SLC2A7: variants seen among roughly 807,000 people sequenced by gnomAD.
SLC2A7 encodes solute carrier family 2 member 7.
SLC2A7 carries 50 observed loss-of-function variants against 50.5 expected under a neutral mutation model. The observed-to-expected ratio is 0.99, with a 90% CI of 0.79 to 1.25. SLC2A7 has a LOEUF of 1.25. Ranked by LOEUF, SLC2A7 falls within the 50% of genes most tolerant of loss-of-function variation. SLC2A7 has a pLI of 0.00. For synonymous variants in SLC2A7, 308 were observed against 300.4 expected, an observed-to-expected ratio of 1.03 and a Z score of -0.26; for missense variants, 683 against 679.1, an observed-to-expected ratio of 1.01 and a Z score of -0.06.
intron 8 of SLC2A7, among the ~76,000 whole-genome samples, chr1:9,011,746 CTTTTTTTT>C (rs34758810): frequency 2.1e-5 from 2 of 93,230 alleles, no homozygotes; most frequent in Admixed American, 1.3e-4. Context: ...TCTTCTTCTT[CTTTTTTTT>C]TTTTTTTTTT....
chr1:9,004,661 G>A (rs895784819), intron 11 of SLC2A7, 91 bp downstream of exon 11: 4 of 1,499,392 alleles, frequency 2.7e-6, no homozygotes, highest in Non-Finnish European at 3.7e-6. Flanking sequence ...TCCCCACCTT[G>A]CTGGATTCAC....
At chr1:9,021,307 G>A (rs1378157410) in intron 3 of SLC2A7, among the ~76,000 whole-genome samples, 1 of 152,170 alleles carries the variant, frequency 6.6e-6, no homozygotes, top group Non-Finnish European at 1.5e-5. Flanking sequence ...CCCGTGCCCA[G>A]CCTGGTATTC....
At chr1:9,001,342 G>A (rs2124229814), downstream of SLC2A7, among the ~76,000 whole-genome samples, 1 of 152,014 alleles carries the variant, frequency 6.6e-6, no homozygotes, top group East Asian at 1.9e-4. Flanking sequence ...TACGGTTCCA[G>A]CCTTATCATC....
the SLC2A7 span, among the ~76,000 whole-genome samples, chr1:8,993,087 T>C: frequency 1.3e-5 from 2 of 152,210 alleles, no homozygotes; most frequent in African/African-American, 2.4e-5. Context: ...CACAGTTCCA[T>C]GTGGCTGGGG....
rs1177079783 is a variant in SLC2A7, at chr1:9,006,074, G to A, written c.1193-1195C>T. Among the ~76,000 whole-genome samples, 4 of 152,234 alleles carry A rather than the reference G, an allele frequency of 2.6e-5. No individual in the cohort carries two copies. The East Asian group carries it at 7.7e-4, about 29-fold the overall frequency. On this transcript the variant is annotated intron_variant, in intron 10 of 11. Coordinates refer to ENST00000400906, the MANE Select transcript of SLC2A7 (RefSeq NM_207420.3). ...CCCATGCTCTGACCTCGCGTCTGCC[G>A]GCACACCTGATCACCCCGTTCTTGG...
Position 9,008,746 on chromosome 1 carries a change from G to A in SLC2A7, c.1117-1361C>T, listed in dbSNP as rs988526520. 3.3e-5 allele frequency among the ~76,000 whole-genome samples: 5 copies of A among 152,046 alleles called. No homozygotes were observed. In the East Asian group the frequency reaches 5.8e-4, roughly 18 times the overall value. On this transcript the variant is annotated intron_variant, in intron 9 of 11. Coordinates refer to ENST00000400906, the MANE Select transcript of SLC2A7 (RefSeq NM_207420.3). The surrounding 1 kb of genome is among the most constrained non-coding windows in gnomAD (Gnocchi z 5.9). Reference sequence around the variant, plus strand: ...CGAGTAACTGGGATTACAGGCACACGCCACCACACCCGACTAAATTTTGTA... The same window carrying A: ...CGAGTAACTGGGATTACAGGCACACACCACCACACCCGACTAAATTTTGTA...
At chr1:9,026,198 T>C in intron 1 of SLC2A7, 97 bp downstream of exon 1, 2 of 1,336,210 alleles carry the variant, frequency 1.5e-6, no homozygotes, top group South Asian at 1.2e-5. Context: ...CGCTACCCGC[T>C]CCTTGCTAAA....
intron 3 of SLC2A7, among the ~76,000 whole-genome samples, chr1:9,020,169 G>A (rs1640891148): frequency 6.6e-6 from 1 of 152,270 alleles, no homozygotes; most frequent in South Asian, 2.1e-4. Context: ...TGGGGTCAGT[G>A]GGGGTAGAAG....
chr1:9,012,503 T>C (rs1168057696), intron 8 of SLC2A7, among the ~76,000 whole-genome samples: 1 of 152,192 alleles, frequency 6.6e-6, no homozygotes, highest in Non-Finnish European at 1.5e-5. Context: ...CCTGTCAGCC[T>C]CTCCCACTGT....
intron 5 of SLC2A7, among the ~76,000 whole-genome samples, chr1:9,017,129 T>C (rs999272792): frequency 6.6e-6 from 1 of 152,194 alleles, no homozygotes; most frequent in East Asian, 1.9e-4. Flanking sequence ...GAGACCATCC[T>C]GGCCAACATG....
chr1:9,002,204 G>A (rs1640585546), downstream of SLC2A7, among the ~76,000 whole-genome samples: 1 of 152,140 alleles, frequency 6.6e-6, no homozygotes, highest in South Asian at 2.1e-4. Context: ...CCTCGTGGGA[G>A]GGGAAAGACC....
chr1:9,020,972 C>T (rs531876131), intron 3 of SLC2A7, among the ~76,000 whole-genome samples: 111 of 152,278 alleles, frequency 7.3e-4, no homozygotes, highest in Admixed American at 2.2e-3. Flanking sequence ...CTTTGCCTTC[C>T]GCCATGATTG....
Position 9,004,829 on chromosome 1 carries a change from G to C in SLC2A7, c.1243C>G (p.Arg415Gly), listed in dbSNP as rs754838717. 1.2e-6 allele frequency: 2 copies of C among 1,613,964 alleles called. No individual in the cohort carries two copies. Among genetic ancestry groups the C allele is most frequent in the African/African-American group, 2.7e-5 (2 of 74,920 alleles). Reference protein sequence around the residue: ...RTEIFLQSSRRAAFMVDGAVH... With the variant: ...RTEIFLQSSRGAAFMVDGAVH... The stretch of plus-strand genomic sequence containing the variant: ...GCCCCGTCCACCATGAAAGCTGCCC[G>C]CCGGGAGGACTGCAGGAAGATCTCG... Residue 415 changes from arginine to glycine, a missense_variant, in exon 11 of 12, where the codon CGG becomes GGG. Arg to Gly is a moderately radical substitution (Grantham distance 125, BLOSUM62 -2). Coordinates refer to ENST00000400906, the MANE Select transcript of SLC2A7 (RefSeq NM_207420.3).
At chr1:8,994,993 A>G in the SLC2A7 span, among the ~76,000 whole-genome samples, 1 of 149,920 alleles carries the variant, frequency 6.7e-6, no homozygotes, top group Admixed American at 6.6e-5. Flanking sequence ...CTGGTCTCGA[A>G]CTCCTGACCT....
Position 9,003,376 on chromosome 1 carries a change from T to C in SLC2A7, c.1463A>G (p.Lys488Arg), listed in dbSNP as rs776616572. 1.9e-5 allele frequency: 31 copies of C among 1,614,092 alleles called. No homozygotes were observed. Among genetic ancestry groups the C allele is most frequent in the Non-Finnish European group, 2.5e-5 (29 of 1,180,038 alleles). The change falls in exon 12 of 12, where the codon AAG becomes AGG. Residue 488 changes from lysine to arginine, a missense_variant. Lys to Arg is a conservative substitution (Grantham distance 26, BLOSUM62 2). Transcript: ENST00000400906. Reference sequence around the variant, plus strand: ...GGTTTCTTCTTTCTCCTCTGGAAGCTTCACCCTGTTTCTCTTGGCAAAAAT... The same window carrying C: ...GGTTTCTTCTTTCTCCTCTGGAAGCCTCACCCTGTTTCTCTTGGCAAAAAT... ...NRIFAKRNRV[K>R]LPEEKEETID... is the part of the protein sequence containing the mutation.
Position 9,019,475 on chromosome 1 carries a change from T to C in SLC2A7, c.312-142A>G, listed in dbSNP as rs890711041. 3 of 1,228,002 alleles carry C rather than the reference T, an allele frequency of 2.4e-6. No homozygotes were observed. The African/African-American group carries it at 4.6e-5, about 19-fold the overall frequency. 76.1% of individuals were successfully genotyped at this position (1,228,002 alleles called of 1,614,324 possible). A position where few individuals can be genotyped will look rare whatever the true frequency, so the allele number is the denominator to read the frequency against. ...AGAGCTGAAGCAGGGGGCCGTGGAC[T>C]GAATGGTGTCCCCCAAATTCCTATG... On this transcript the variant is annotated intron_variant, in intron 3 of 11. Transcript: ENST00000400906.
At chr1:8,998,395 A>G (rs1050138663), downstream of SLC2A7, among the ~76,000 whole-genome samples, 27 of 152,274 alleles carry the variant, frequency 1.8e-4, no homozygotes, top group African/African-American at 6.3e-4. Context: ...ACAGAGCAAG[A>G]TTCCATCTCA....
At chr1:9,001,228 G>A (rs1640568059), downstream of SLC2A7, among the ~76,000 whole-genome samples, 1 of 152,104 alleles carries the variant, frequency 6.6e-6, no homozygotes, top group Non-Finnish European at 1.5e-5. Flanking sequence ...GGCTGGGTAG[G>A]GCTGTGATCG....
At chr1:9,016,322 C>T (rs1047689198) in intron 5 of SLC2A7, among the ~76,000 whole-genome samples, 2 of 152,180 alleles carry the variant, frequency 1.3e-5, no homozygotes, top group African/African-American at 2.4e-5. Flanking sequence ...TAAAAAACCC[C>T]GGCCGGGCAT....
Sources: allele counts gnomAD v4.1 joint callset (sites outside exome capture counted in the v4.1 genomes callset), GRCh38; gene constraint gnomAD v4.1.1; non-coding constraint Gnocchi (gnomAD v3.1); transcripts MANE v1.5; gene names NCBI Gene and HGNC (gene_info 2026-07-23, HGNC 2026-07-21).